The following ATXN1L variants were observed in gnomAD, a reference collection of about 807,000 sequenced individuals.
ATXN1L encodes ataxin-1-like.
Under a neutral mutation model 43.4 loss-of-function variants are expected in ATXN1L, and 8 were observed. The ratio of observed to expected loss-of-function variants is 0.18; its 90% CI spans 0.11 to 0.33. ATXN1L has a LOEUF of 0.33. ATXN1L is among the 10% of genes least tolerant of loss of function. The pLI is 1.00. For missense variants in ATXN1L, 856 were observed against 885.4 expected (o/e 0.97, Z 0.42); for synonymous variants, 379 against 360.6 (o/e 1.05, Z -0.58).
rs952675917 is a variant in ATXN1L, at chr16:71,855,614, G to A, written c.*3804G>A. On this transcript the variant is annotated 3_prime_UTR_variant, in exon 3 of 3. Transcript: ENST00000427980. ...AAGCAGGCATGTTGAAGAGTTGAGT[G>A]ATCACGCTGGAGATGAAGGGTTGGA... 1 of 167,138 alleles carries A rather than the reference G, an allele frequency of 6.0e-6. No homozygotes were observed. The highest frequency in any genetic ancestry group is 2.4e-5 in the African/African-American group (1 of 41,440). 10.4% of individuals were successfully genotyped at this position (167,138 alleles called of 1,614,324 possible).
chr16:71,846,911 G>T (rs74029708), intron 1 of ATXN1L, among the ~76,000 whole-genome samples: 11,543 of 152,110 alleles, frequency 0.076, 1,428 homozygotes, highest in African/African-American at 0.26. Flanking sequence ...AGAAAGCAAG[G>T]ATCATTTTGG....
rs1282856142 is a variant in ATXN1L, at chr16:71,850,400, G to A, written c.660G>A (p.Leu220=). 2 of 1,551,672 alleles carry A rather than the reference G, an allele frequency of 1.3e-6. No homozygotes were observed. The highest frequency in any genetic ancestry group is 1.7e-6 in the Non-Finnish European group (2 of 1,146,992). Residue 220 remains leucine (L), a synonymous_variant, in exon 3 of 3, where the codon CTG becomes CTA. Transcript: ENST00000427980. ...QLPHHSSTQP[L]DLAPGRMPIY... is the part of the protein sequence containing the mutation. ...CACATCATTCAAGTACTCAGCCGCTGGACCTTGCTCCAGGTCGGATGCCCA... is the reference window on the plus strand; with the variant it reads ...CACATCATTCAAGTACTCAGCCGCTAGACCTTGCTCCAGGTCGGATGCCCA...
At chr16:71,847,169 A>G (rs185309098) in intron 1 of ATXN1L, among the ~76,000 whole-genome samples, 12 of 152,292 alleles carry the variant, frequency 7.9e-5, no homozygotes, top group African/African-American at 2.2e-4. Context: ...AGAGTGTTCT[A>G]TAGGACTTGG....
In ATXN1L at chr16:71,850,725, G is replaced by C; in HGVS notation, c.985G>C (p.Gly329Arg). 1 of 1,551,694 alleles carries C rather than the reference G, an allele frequency of 6.4e-7. No homozygotes were observed. Among genetic ancestry groups the C allele is most frequent in the Non-Finnish European group, 8.7e-7 (1 of 1,146,990 alleles). ...AGAGGTAGCAGCACCAGCACACCGGGGGACCCCGGACACTGACCTTGAGGT... is the reference window on the plus strand; with the variant it reads ...AGAGGTAGCAGCACCAGCACACCGGCGGACCCCGGACACTGACCTTGAGGT... Reference protein sequence around the residue: ...RVEVAAPAHRGTPDTDLEVQR... With the variant: ...RVEVAAPAHRRTPDTDLEVQR... Residue 329 changes from glycine (G) to arginine (R), a missense_variant, in exon 3 of 3, where the codon GGG (glycine) becomes CGG (arginine). By Grantham distance (125) the Gly-to-Arg change is moderately radical. Coordinates refer to ENST00000427980, the MANE Select transcript of ATXN1L (RefSeq NM_001137675.4).
intron 2 of ATXN1L, 89 bp downstream of exon 2, chr16:71,848,160 CT>C (rs1416050687): frequency 7.4e-5 from 32 of 430,588 alleles, no homozygotes; most frequent in Non-Finnish European, 1.3e-4. Flanking sequence ...ATAGAAAGCT[CT>C]TTTCAGATCC....
At position 71,853,479 on chromosome 16, in the gene ATXN1L, T is replaced by C. The variant is rs2033525079; in HGVS notation, c.*1669T>C. 6.0e-6 allele frequency: 1 copy of C among 167,088 alleles called. No individual in the cohort carries two copies. Among genetic ancestry groups the C allele is most frequent in the South Asian group, 2.1e-4 (1 of 4,824 alleles). The allele number at this position is 167,088 out of a possible 1,614,324, so 10.4% of individuals were successfully genotyped here. On this transcript the variant is annotated 3_prime_UTR_variant, in exon 3 of 3. Transcript: ENST00000427980. The stretch of plus-strand genomic sequence containing the variant: ...CTTCTCCCAGGCTATGATCCTGGCA[T>C]GTCCTTTATAAGGTATACTTGGATT...
In ATXN1L at chr16:71,849,918, A is replaced by G; in HGVS notation, c.178A>G (p.Arg60Gly). The change falls in exon 3 of 3, where the codon AGA (arginine) becomes GGA (glycine). Residue 60 changes from arginine to glycine, a missense_variant. Arg to Gly is a moderately radical substitution (Grantham distance 125). Coordinates refer to ENST00000427980, the MANE Select transcript of ATXN1L (RefSeq NM_001137675.4). The part of the protein sequence containing the change: ...VVAGQSQAGA[R>G]VSLGGDGAEA... ...GGCTGGGCAGAGCCAGGCAGGAGCC[A>G]GAGTCAGCCTGGGGGGTGATGGAGC... is the stretch of plus-strand genomic sequence containing the variant. 6.4e-7 allele frequency: 1 copy of G among 1,551,196 alleles called. No individual in the cohort carries two copies. The highest frequency in any genetic ancestry group is 8.7e-7 in the Non-Finnish European group (1 of 1,146,624).
In ATXN1L at chr16:71,848,057, C is replaced by T. The variant is rs2033461688; in HGVS notation, c.-132C>T. 2.2e-6 allele frequency: 1 copy of T among 455,952 alleles called. No homozygotes were observed. The highest frequency in any genetic ancestry group is 4.4e-6 in the Non-Finnish European group (1 of 226,768). 28.2% of individuals were successfully genotyped at this position (455,952 alleles called of 1,614,324 possible). A position where few individuals can be genotyped will look rare whatever the true frequency, so the allele number is the denominator to read the frequency against. ...CACTTACTACAGCTGCTCAGAAGCA[C>T]CACTGGAAACTCAGGTAATACCGGC... is the stretch of plus-strand genomic sequence containing the variant. On this transcript the variant is annotated 5_prime_UTR_variant, in exon 2 of 3. Coordinates refer to ENST00000427980, the MANE Select transcript of ATXN1L (RefSeq NM_001137675.4).
In ATXN1L at chr16:71,851,441, C is replaced by T. The variant is rs1281098337; in HGVS notation, c.1701C>T (p.Pro567=). 1 of 1,551,522 alleles carries T rather than the reference C, an allele frequency of 6.4e-7. No homozygotes were observed. Among genetic ancestry groups the T allele is most frequent in the Non-Finnish European group, 8.7e-7 (1 of 1,146,994 alleles). Reference sequence around the variant, plus strand: ...GGACGACACAACTCTTCTCTCTGCCCTGCCATCGGCTACAGGTGGGAGATG... The same window carrying T: ...GGACGACACAACTCTTCTCTCTGCCTTGCCATCGGCTACAGGTGGGAGATG... ...PGRTTQLFSL[P]CHRLQVGDVC... The change falls in exon 3 of 3, where the codon CCC becomes CCT. Residue 567 remains proline (P), a synonymous_variant. Coordinates refer to ENST00000427980, the MANE Select transcript of ATXN1L (RefSeq NM_001137675.4). This position sits in a 1 kb window ranked among gnomAD's most constrained non-coding sequence, Gnocchi z 4.9.
rs1227129565 is a variant in ATXN1L, at chr16:71,849,690, C to T, written c.-51C>T. 1.4e-6 allele frequency: 2 copies of T among 1,455,490 alleles called. No homozygotes were observed. The highest frequency in any genetic ancestry group is 1.8e-6 in the Non-Finnish European group (2 of 1,100,990). 90.2% of individuals were successfully genotyped at this position (1,455,490 alleles called of 1,614,324 possible). A position where few individuals can be genotyped will look rare whatever the true frequency, so the allele number is the denominator to read the frequency against. On this transcript the variant is annotated 5_prime_UTR_variant, in exon 3 of 3. Coordinates refer to ENST00000427980, the MANE Select transcript of ATXN1L (RefSeq NM_001137675.4). ...GCTACAGAGAAGCCCCTTCTGATGC[C>T]CCAGGGAGCAAGTCGACTCCTTCCA...
rs2033479382 is a variant in ATXN1L at position 71,849,863 on chromosome 16, T to C, written c.123T>C (p.Asp41=). Reference sequence around the variant, plus strand: ...CCACTAACCACACACCCTCCAGTGATGCTTCTGAATGGTCCCGAGGGGTTG... The same window carrying C: ...CCACTAACCACACACCCTCCAGTGACGCTTCTGAATGGTCCCGAGGGGTTG... The part of the protein sequence containing the change: ...SCSTNHTPSS[D]ASEWSRGVVV... The change falls in exon 3 of 3, where the codon GAT becomes GAC. Residue 41 remains aspartate (D), a synonymous_variant. Transcript: ENST00000427980. The C allele has an allele frequency of 4.5e-6, 7 of 1,551,360 alleles. No homozygotes were observed. Among genetic ancestry groups the C allele is most frequent in the South Asian group, 2.4e-5 (2 of 84,030 alleles).
rs1256895217 is a variant in ATXN1L at position 71,857,149 on chromosome 16, G to A, written c.*5339G>A. The A allele has an allele frequency of 6.0e-6, 1 of 166,730 alleles. No homozygotes were observed. Among genetic ancestry groups the A allele is most frequent in the Non-Finnish European group, 1.5e-5 (1 of 68,062 alleles). 10.3% of individuals were successfully genotyped at this position (166,730 alleles called of 1,614,324 possible). ...ATTTGTACTGTATATTTGTACTTTT[G>A]TGAGATCCTTTTTGCTGTTTTACCA... On this transcript the variant is annotated 3_prime_UTR_variant, in exon 3 of 3. Transcript: ENST00000427980.
chr16:71,850,292 A>G lies in ATXN1L; in HGVS notation c.552A>G (p.Gly184=). ...FVPYASLLAE[G]ATPPPQAPSP... ...CATATGCCTCACTTCTGGCTGAAGG[A>G]GCCACTCCTCCCCCACAGGCTCCCT... is the stretch of plus-strand genomic sequence containing the variant. Residue 184 remains glycine, a synonymous_variant, in exon 3 of 3, where the codon GGA becomes GGG. Coordinates refer to ENST00000427980, the MANE Select transcript of ATXN1L (RefSeq NM_001137675.4). 1 of 1,551,506 alleles carries G rather than the reference A, an allele frequency of 6.4e-7. No individual in the cohort carries two copies. Among genetic ancestry groups the G allele is most frequent in the Non-Finnish European group, 8.7e-7 (1 of 1,146,950 alleles).
rs1397992353 is a variant in ATXN1L, at chr16:71,851,246, G to T, written c.1506G>T (p.Gly502=). Residue 502 remains glycine (G), a synonymous_variant, in exon 3 of 3, where the codon GGG becomes GGT. Coordinates refer to ENST00000427980, the MANE Select transcript of ATXN1L (RefSeq NM_001137675.4). The surrounding 1 kb of genome is among the most constrained non-coding windows in gnomAD (Gnocchi z 4.9). ...TGCGCAGTGCCGAAGTGAGCGGGGG[G>T]CTGAAGATTGACTCTAGCACGGTCG... ...DFVRSAEVSG[G]LKIDSSTVVD... 1.3e-6 allele frequency: 2 copies of T among 1,551,546 alleles called. No individual in the cohort carries two copies. The highest frequency in any genetic ancestry group is 1.7e-6 in the Non-Finnish European group (2 of 1,146,986).
rs778317825 is a variant in ATXN1L, at chr16:71,849,915, G to A, written c.175G>A (p.Ala59Thr). 21 of 1,551,200 alleles carry A rather than the reference G, an allele frequency of 1.4e-5. No individual in the cohort carries two copies. Among genetic ancestry groups the A allele is most frequent in the Non-Finnish European group, 1.8e-5 (21 of 1,146,628 alleles). ...VVVAGQSQAG[A>T]RVSLGGDGAE... The stretch of plus-strand genomic sequence containing the variant: ...GGTGGCTGGGCAGAGCCAGGCAGGA[G>A]CCAGAGTCAGCCTGGGGGGTGATGG... The change falls in exon 3 of 3, where the codon GCC (alanine) becomes ACC (threonine). Residue 59 changes from alanine to threonine, a missense_variant. Physicochemically the swap from Ala to Thr is moderately conservative, Grantham distance 58. This residue lies in a region of ATXN1L where 93 missense variants were observed against 113.4 expected (regional missense o/e 0.82). Transcript: ENST00000427980.
Position 71,854,410 on chromosome 16 carries a change from A to C in ATXN1L, c.*2600A>C, listed in dbSNP as rs1252708396. The C allele has an allele frequency of 6.0e-6, 1 of 167,068 alleles. No homozygotes were observed. Among genetic ancestry groups the C allele is most frequent in the East Asian group, 1.9e-4 (1 of 5,200 alleles). 10.3% of individuals were successfully genotyped at this position (167,068 alleles called of 1,614,324 possible). A position where few individuals can be genotyped will look rare whatever the true frequency, so the allele number is the denominator to read the frequency against. ...ATACCAGCAGTTCCTGTAATACCAC[A>C]ATATCGTTCCATGCATATATAACAT... On this transcript the variant is annotated 3_prime_UTR_variant, in exon 3 of 3. Coordinates refer to ENST00000427980, the MANE Select transcript of ATXN1L (RefSeq NM_001137675.4).
intron 2 of ATXN1L, chr16:71,848,504 A>G (rs1209973987): frequency 6.4e-6 from 1 of 155,580 alleles, no homozygotes; most frequent in East Asian, 1.9e-4. Flanking sequence ...GCCTTTTGAG[A>G]CTAGGGAACC....
chr16:71,849,705 G>T lies in ATXN1L; in HGVS notation c.-36G>T, dbSNP rs367915973. On this transcript the variant is annotated 5_prime_UTR_variant, in exon 3 of 3. Transcript: ENST00000427980. ...CTTCTGATGCCCCAGGGAGCAAGTC[G>T]ACTCCTTCCAGGCTCCAGGAACACC... 1.5e-4 allele frequency: 216 copies of T among 1,462,446 alleles called. 1 individual carries two copies. In the African/African-American group the frequency reaches 1.6e-3, roughly 11 times the overall value. 90.6% of individuals were successfully genotyped at this position (1,462,446 alleles called of 1,614,324 possible).
chr16:71,851,546 T>A lies in ATXN1L; in HGVS notation c.1806T>A (p.Gly602=). 6.5e-7 allele frequency: 1 copy of A among 1,549,754 alleles called. No individual in the cohort carries two copies. The part of the protein sequence containing the change: ...QASCAPPSQL[G]PPRERPERTV... ...GCTGTGCTCCCCCAAGCCAGCTGGG[T>A]CCCCCCCGAGAAAGGCCTGAGAGGA... The change falls in exon 3 of 3, where the codon GGT becomes GGA. Residue 602 remains glycine (G), a synonymous_variant. Transcript: ENST00000427980. The surrounding 1 kb of genome is among the most constrained non-coding windows in gnomAD (Gnocchi z 4.9).
Sources: allele counts gnomAD v4.1 joint callset (sites outside exome capture counted in the v4.1 genomes callset), GRCh38; gene constraint gnomAD v4.1.1; regional missense constraint gnomAD v4.1.1; non-coding constraint Gnocchi (gnomAD v3.1); transcripts MANE v1.5; gene names NCBI Gene and HGNC (gene_info 2026-07-23, HGNC 2026-07-21).